DNAH7: variants seen among roughly 807,000 people sequenced by gnomAD.
DNAH7 encodes axonemal beta dynein heavy chain 7.
In DNAH7, 397 loss-of-function variants were observed where a neutral mutation model predicts 444.6. The ratio of observed to expected loss-of-function variants is 0.89; its 90% CI spans 0.82 to 0.97. DNAH7 has a LOEUF of 0.97. Ranked by LOEUF, DNAH7 falls within the 50% of genes least tolerant of loss-of-function variation. The pLI, the probability that DNAH7 is intolerant of heterozygous loss-of-function variation, is 0.00. For missense variants in DNAH7, 4,902 were observed against 4,800.8 expected (o/e 1.02, Z -0.62); for synonymous variants, 1,636 against 1,624.4 (o/e 1.01, Z -0.17).
intron 1 of DNAH7, among the ~76,000 whole-genome samples, chr2:196,063,006 C>T (rs1160217194): frequency 2.0e-5 from 3 of 152,116 alleles, no homozygotes; most frequent in Admixed American, 2.0e-4. Flanking sequence ...CCTAAGCCTC[C>T]CGAGTAGCTA....
chr2:195,951,738 G>A (rs1690271972), intron 19 of DNAH7, among the ~76,000 whole-genome samples: 1 of 152,054 alleles, frequency 6.6e-6, no homozygotes. Flanking sequence ...TGTTTTATCA[G>A]AGACTAGGAT....
intron 15 of DNAH7, among the ~76,000 whole-genome samples, chr2:195,978,135 T>C (rs775920540): frequency 2.0e-5 from 3 of 151,952 alleles, no homozygotes; most frequent in Non-Finnish European, 4.4e-5. Context: ...GTAAACTATA[T>C]ATATATGTTA....
chr2:195,853,382 C>A lies in DNAH7; in HGVS notation c.8742G>T (p.Val2914=), dbSNP rs1349559735. Reference sequence around the variant, plus strand: ...ATGTGAAGGCTCCGAGGTAAGCAACCACTCCGGAGGAAATGAGGATATCCC... The same window carrying A: ...ATGTGAAGGCTCCGAGGTAAGCAACAACTCCGGAGGAAATGAGGATATCCC... ...LTGDILISSG[V]VAYLGAFTST... Residue 2914 remains valine, a synonymous_variant, in exon 46 of 65, where the codon GTG becomes GTT. Coordinates refer to ENST00000312428, the MANE Select transcript of DNAH7 (RefSeq NM_018897.3). 3 of 1,614,012 alleles carry A rather than the reference C, an allele frequency of 1.9e-6. No homozygotes were observed. Among genetic ancestry groups the A allele is most frequent in the Non-Finnish European group, 2.5e-6 (3 of 1,179,980 alleles).
intron 9 of DNAH7, among the ~76,000 whole-genome samples, chr2:196,013,370 G>A (rs999053116): frequency 2.6e-5 from 4 of 152,024 alleles, no homozygotes; most frequent in African/African-American, 9.7e-5. Context: ...GAGCCTGTCT[G>A]GTTTTTTTTA....
intron 40 of DNAH7, among the ~76,000 whole-genome samples, chr2:195,869,011 A>C (rs1700517504): frequency 6.6e-6 from 1 of 151,964 alleles, no homozygotes. Flanking sequence ...TTGTTGCAGG[A>C]CTTTTCCTTA....
chr2:196,010,934 T>C (rs907252128), intron 10 of DNAH7, among the ~76,000 whole-genome samples: 3 of 152,108 alleles, frequency 2.0e-5, no homozygotes, highest in Non-Finnish European at 2.9e-5. Flanking sequence ...CTTATTCATA[T>C]GTGGAAGCTA....
At chr2:195,870,789 T>C (rs533254410) in intron 40 of DNAH7, among the ~76,000 whole-genome samples, 1 of 152,326 alleles carries the variant, frequency 6.6e-6, no homozygotes, top group African/African-American at 2.4e-5. Context: ...GCCAGTGCCT[T>C]GATCTTGAAC....
At chr2:195,824,685 T>G (rs771565665) in intron 48 of DNAH7, among the ~76,000 whole-genome samples, 13 of 152,132 alleles carry the variant, frequency 8.5e-5, no homozygotes, top group Non-Finnish European at 1.8e-4. Context: ...TTCTCCTGAG[T>G]CATAGTCCTG....
At chr2:195,910,699 T>C (rs1340272157) in intron 24 of DNAH7, among the ~76,000 whole-genome samples, 2 of 152,168 alleles carry the variant, frequency 1.3e-5, no homozygotes, top group South Asian at 4.2e-4. Flanking sequence ...CCCTCAGAAG[T>C]GAGCAATGTG....
intron 40 of DNAH7, among the ~76,000 whole-genome samples, chr2:195,865,259 G>C (rs1574606902): frequency 6.6e-6 from 1 of 152,056 alleles, no homozygotes; most frequent in South Asian, 2.1e-4. Context: ...GGTAATTTTG[G>C]GGGTGGGAGC....
At chr2:195,931,089 G>A (rs561441658) in intron 21 of DNAH7, among the ~76,000 whole-genome samples, 3 of 152,226 alleles carry the variant, frequency 2.0e-5, no homozygotes, top group African/African-American at 4.8e-5. Flanking sequence ...ACTATGCTCA[G>A]TACCTGGGTG....
At chr2:195,740,206 A>G (rs535000003) in intron 64 of DNAH7, among the ~76,000 whole-genome samples, 72 of 152,212 alleles carry the variant, frequency 4.7e-4, no homozygotes, top group African/African-American at 1.6e-3. Flanking sequence ...GCTGGTCTCA[A>G]ACTCCCGACC....
chr2:195,820,881 C>T (rs1335747935), intron 49 of DNAH7, among the ~76,000 whole-genome samples: 4 of 152,152 alleles, frequency 2.6e-5, no homozygotes, highest in Non-Finnish European at 5.9e-5. Flanking sequence ...GCAGCTTATT[C>T]AAAAGATTTA....
intron 58 of DNAH7, among the ~76,000 whole-genome samples, chr2:195,785,540 T>C (rs1347671931): frequency 6.6e-6 from 1 of 151,982 alleles, no homozygotes; most frequent in Non-Finnish European, 1.5e-5. Context: ...TGTATGTTTG[T>C]TTAATCAAGT....
intron 19 of DNAH7, among the ~76,000 whole-genome samples, chr2:195,950,393 C>T (rs1286138871): frequency 1.3e-5 from 2 of 152,162 alleles, no homozygotes; most frequent in Admixed American, 6.6e-5. Flanking sequence ...TTTATTTATG[C>T]AGAGGTGTTT....
chr2:195,868,790 T>G (rs1700505210), intron 40 of DNAH7, among the ~76,000 whole-genome samples: 1 of 150,716 alleles, frequency 6.6e-6, no homozygotes. Flanking sequence ...GTGCATTAAC[T>G]AATGTCTCAG....
At chr2:195,905,386 T>C (rs1686950357) in intron 27 of DNAH7, 1 of 152,188 alleles carries the variant, frequency 6.6e-6, no homozygotes. Flanking sequence ...CATGCCTTCC[T>C]TCACTAAAGC....
At position 195,796,573 on chromosome 2, in the gene DNAH7, T is replaced by C. The variant is rs771478673; in HGVS notation, c.10515+3A>G. On this transcript the variant is annotated splice_donor_region_variant and intron_variant, in intron 56 of 64. Transcript: ENST00000312428. ...TCTAATAAGTATAAACTTGCATTTT[T>C]ACCTCACAGACTTTCTCAAGGGTTG... 4 of 1,614,046 alleles carry C rather than the reference T, an allele frequency of 2.5e-6. No homozygotes were observed. The highest frequency in any genetic ancestry group is 3.4e-6 in the Non-Finnish European group (4 of 1,179,942).
At chr2:195,888,540 GAAGCTTA>G (rs1380022792) in intron 32 of DNAH7, 106 bp from the exon 33 acceptor site, 2 of 1,170,416 alleles carry the variant, frequency 1.7e-6, no homozygotes, top group East Asian at 5.4e-5. Context: ...TGGGCGGGGG[GAAGCTTA>G]ATATTATATA....
Sources: allele counts gnomAD v4.1 joint callset (sites outside exome capture counted in the v4.1 genomes callset), GRCh38; gene constraint gnomAD v4.1.1; transcripts MANE v1.5; gene names NCBI Gene and HGNC (gene_info 2026-07-23, HGNC 2026-07-21).